The following SEL1L variants were observed in gnomAD, a reference collection of about 807,000 sequenced individuals.
SEL1L encodes protein sel-1 homolog 1.
A neutral mutation model predicts 109.8 loss-of-function variants in SEL1L; 52 were observed. That is an observed-to-expected ratio of 0.47 (90% CI 0.38 to 0.60). SEL1L has a LOEUF of 0.60. Among genes scored for constraint, SEL1L ranks in the 20% least tolerant of loss-of-function variants. The probability of loss-of-function intolerance (pLI) is 0.00; values close to 1 mark genes in which losing one functional copy is unlikely to be tolerated. For missense variants in SEL1L, 749 were observed against 962.2 expected, an observed-to-expected ratio of 0.78 and a Z score of 2.93; for synonymous variants, 373 against 339.6, an observed-to-expected ratio of 1.10 and a Z score of -1.08.
chr14:81,473,157 T>C lies in SEL1L; in HGVS notation c.*3815A>G, dbSNP rs1041429692. On this transcript the variant is annotated 3_prime_UTR_variant, in exon 21 of 21. Coordinates refer to ENST00000336735, the MANE Select transcript of SEL1L (RefSeq NM_005065.6). ...TCTACATATTTATAGTGGTTACATC[T>C]TGATTATATCAACATTATGAGTTTT... is the stretch of plus-strand genomic sequence containing the variant. 5 of 152,260 alleles carry C rather than the reference T, an allele frequency of 3.3e-5. No homozygotes were observed. Among genetic ancestry groups the C allele is most frequent in the Non-Finnish European group, 7.3e-5 (5 of 68,066 alleles). 9.4% of individuals were successfully genotyped at this position (152,260 alleles called of 1,614,324 possible). A position where few individuals can be genotyped will look rare whatever the true frequency, so the allele number is the denominator to read the frequency against.
At chr14:81,494,881 T>C (rs946508985) in intron 11 of SEL1L, among the ~76,000 whole-genome samples, 200 bp downstream of exon 11, 2 of 152,242 alleles carry the variant, frequency 1.3e-5, no homozygotes, top group Non-Finnish European at 2.9e-5. Context: ...GGTGAATGCC[T>C]AGCAGTGAAT....
At chr14:81,504,552 C>T (rs1406464960) in intron 4 of SEL1L, among the ~76,000 whole-genome samples, 1 of 151,862 alleles carries the variant, frequency 6.6e-6, no homozygotes, top group Admixed American at 6.6e-5. Context: ...AATACCAATA[C>T]CAAGCCACTC....
rs1158244926 is a variant in SEL1L, at chr14:81,473,513, AG to A, written c.*3458del. 3.3e-5 allele frequency: 5 copies of A among 152,220 alleles called. No homozygotes were observed. The highest frequency in any genetic ancestry group is 1.2e-4 in the African/African-American group (5 of 41,466). 9.4% of individuals were successfully genotyped at this position (152,220 alleles called of 1,614,324 possible). On this transcript the variant is annotated 3_prime_UTR_variant, in exon 21 of 21. Transcript: ENST00000336735. ...TGATGAAAAATATTTGCATGAAAAT[AG>A]AAATTTTCTTTTGTTCTGATCATTT...
At chr14:81,509,637 A>G (rs1459018873) in intron 3 of SEL1L, among the ~76,000 whole-genome samples, 5 of 152,222 alleles carry the variant, frequency 3.3e-5, no homozygotes, top group African/African-American at 1.2e-4. Context: ...AAAGTAAGAA[A>G]AAGTAAAAAG....
intron 4 of SEL1L, among the ~76,000 whole-genome samples, chr14:81,505,512 T>A (rs535229602): frequency 6.6e-6 from 1 of 152,268 alleles, no homozygotes; most frequent in Non-Finnish European, 1.5e-5. Context: ...ATAACAGCCA[T>A]TATTTTTTTA....
At position 81,487,385 on chromosome 14, in the gene SEL1L, C is replaced by A; in HGVS notation, c.1632+5G>T. The A allele has an allele frequency of 1.3e-6, 2 of 1,569,206 alleles. No homozygotes were observed. The highest frequency in any genetic ancestry group is 8.6e-7 in the Non-Finnish European group (1 of 1,166,768). ...CTACACACAAGCTGGTAGGAAAGAC[C>A]TTACCTCCACTGCAGTGTGACATGA... On this transcript the variant is annotated splice_donor_5th_base_variant and intron_variant, in intron 16 of 20. Coordinates refer to ENST00000336735, the MANE Select transcript of SEL1L (RefSeq NM_005065.6).
At position 81,474,043 on chromosome 14, in the gene SEL1L, G is replaced by A. The variant is rs1168178431; in HGVS notation, c.*2929C>T. 2 of 151,772 alleles carry A rather than the reference G, an allele frequency of 1.3e-5. No homozygotes were observed. The highest frequency in any genetic ancestry group is 2.9e-5 in the Non-Finnish European group (2 of 67,920). 9.4% of individuals were successfully genotyped at this position (151,772 alleles called of 1,614,324 possible). On this transcript the variant is annotated 3_prime_UTR_variant, in exon 21 of 21. Transcript: ENST00000336735. Reference sequence around the variant, plus strand: ...TTAGTGGTAAGACTCTCACATGTAAGGTAAAAATTAACCTAATATGCAAAA... The same window carrying A: ...TTAGTGGTAAGACTCTCACATGTAAAGTAAAAATTAACCTAATATGCAAAA...
At chr14:81,499,734 A>G (rs1883924110) in intron 6 of SEL1L, 72 bp from the exon 7 acceptor site, 1 of 1,179,798 alleles carries the variant, frequency 8.5e-7, no homozygotes, top group East Asian at 2.4e-5. Context: ...AGACAGACAC[A>G]GTTTTATATA....
intron 2 of SEL1L, among the ~76,000 whole-genome samples, chr14:81,527,463 A>G (rs906018524): frequency 6.6e-6 from 1 of 151,912 alleles, no homozygotes; most frequent in Non-Finnish European, 1.5e-5. Context: ...ACACACACAC[A>G]CACACACACA....
chr14:81,533,334 C>T (rs753755101), intron 1 of SEL1L, among the ~76,000 whole-genome samples: 2 of 152,150 alleles, frequency 1.3e-5, no homozygotes, highest in African/African-American at 4.8e-5. Flanking sequence ...TAGACCAGAC[C>T]CTTCCTCTAC....
chr14:81,480,802 G>A (rs1387298431), intron 19 of SEL1L, among the ~76,000 whole-genome samples: 2 of 152,164 alleles, frequency 1.3e-5, no homozygotes, highest in Non-Finnish European at 2.9e-5. Context: ...TTCCATATGT[G>A]CTTTTTCCTG....
chr14:81,515,182 C>T (rs1884651389), intron 3 of SEL1L, among the ~76,000 whole-genome samples: 1 of 152,172 alleles, frequency 6.6e-6, no homozygotes, highest in Admixed American at 6.5e-5. Flanking sequence ...GTTATGTCCC[C>T]TTCAAGCTGT....
chr14:81,501,821 T>C (rs1353140546), intron 6 of SEL1L, among the ~76,000 whole-genome samples: 1 of 152,110 alleles, frequency 6.6e-6, no homozygotes, highest in African/African-American at 2.4e-5. Context: ...CCTTGTAATG[T>C]AGTCTAGCCA....
chr14:81,527,007 T>C (rs746084066), intron 2 of SEL1L, 43 bp from the exon 3 acceptor site: 1 of 1,420,248 alleles, frequency 7.0e-7, no homozygotes, highest in South Asian at 1.2e-5. Context: ...ATGCCAAGAC[T>C]TTCCCCAACC....
In SEL1L at chr14:81,487,546, A is replaced by G; in HGVS notation, c.1484-8T>C. On this transcript the variant is annotated splice_region_variant and splice_polypyrimidine_tract_variant and intron_variant, in intron 15 of 20. Coordinates refer to ENST00000336735, the MANE Select transcript of SEL1L (RefSeq NM_005065.6). The stretch of plus-strand genomic sequence containing the variant: ...TCTTGACTCCAATGCCATCTGTAAG[A>G]AAAAAAAAAATCACACGAGATAATA... 3 of 1,198,306 alleles carry G rather than the reference A, an allele frequency of 2.5e-6. No individual in the cohort carries two copies. The highest frequency in any genetic ancestry group is 3.1e-5 in the South Asian group (2 of 64,990). 74.2% of individuals were successfully genotyped at this position (1,198,306 alleles called of 1,614,324 possible). A position where few individuals can be genotyped will look rare whatever the true frequency, so the allele number is the denominator to read the frequency against.
In SEL1L at chr14:81,479,751, G is replaced by A. The variant is rs1208221061; in HGVS notation, c.2047-11C>T. 6.3e-7 allele frequency: 1 copy of A among 1,581,748 alleles called. No individual in the cohort carries two copies. Among genetic ancestry groups the A allele is most frequent in the Non-Finnish European group, 8.6e-7 (1 of 1,167,462 alleles). ...CGCAAGGTGAATATCCTATAATACA[G>A]GTAAGAAACAAAAATGCATTTCTTG... On this transcript the variant is annotated splice_polypyrimidine_tract_variant and intron_variant, in intron 19 of 20. Coordinates refer to ENST00000336735, the MANE Select transcript of SEL1L (RefSeq NM_005065.6).
chr14:81,487,680 T>C (rs1903562971), intron 15 of SEL1L, 142 bp from the exon 16 acceptor site: 2 of 1,505,326 alleles, frequency 1.3e-6, no homozygotes, highest in African/African-American at 1.4e-5. Context: ...GCTAACACAC[T>C]GATACAGATT....
chr14:81,503,782 A>G (rs1884115286), intron 5 of SEL1L, among the ~76,000 whole-genome samples: 1 of 152,236 alleles, frequency 6.6e-6, no homozygotes, highest in South Asian at 2.1e-4. Flanking sequence ...TTAAAAGGAC[A>G]TAAGATGTTA....
intron 1 of SEL1L, among the ~76,000 whole-genome samples, chr14:81,532,639 A>C (rs1885373430): frequency 6.6e-6 from 1 of 152,206 alleles, no homozygotes; most frequent in Non-Finnish European, 1.5e-5. Context: ...TTTTAGAAGC[A>C]GAATGACGTT....
Sources: gnomAD v4.1 joint callset for allele counts (sites outside exome capture counted in the v4.1 genomes callset) on GRCh38, gnomAD v4.1.1 for gene constraint, MANE v1.5 for transcripts, NCBI Gene and HGNC (gene_info 2026-07-23, HGNC 2026-07-21) for gene names.